Variants in GALNT14 observed in about 807,000 individuals in gnomAD.
GALNT14 encodes the protein polypeptide N-acetylgalactosaminyltransferase 14.
Under a neutral mutation model 77.5 loss-of-function variants are expected in GALNT14, and 60 were observed. That is an observed-to-expected ratio of 0.77 (90% CI 0.63 to 0.96). GALNT14 has a LOEUF of 0.96. Among genes scored for constraint, GALNT14 ranks in the 40% least tolerant of loss-of-function variants. The probability of loss-of-function intolerance (pLI) is 0.00; values close to 1 mark genes in which losing one functional copy is unlikely to be tolerated. For synonymous variants in GALNT14, 280 were observed against 281.7 expected, an observed-to-expected ratio of 0.99 and a Z score of 0.06; for missense variants, 710 against 731.0, an observed-to-expected ratio of 0.97 and a Z score of 0.33.
intron 3 of GALNT14, among the ~76,000 whole-genome samples, chr2:30,964,934 GA>G (rs1414222867): frequency 6.6e-6 from 1 of 152,166 alleles, no homozygotes; most frequent in Non-Finnish European, 1.5e-5. Context: ...TGGAAACAAT[GA>G]GATTTTGCTG....
At chr2:31,098,869 T>C (rs1677123449) in intron 1 of GALNT14, among the ~76,000 whole-genome samples, 1 of 152,052 alleles carries the variant, frequency 6.6e-6, no homozygotes, top group African/African-American at 2.4e-5. Flanking sequence ...ACAAGGAAGA[T>C]AAAATATATT....
intron 9 of GALNT14, among the ~76,000 whole-genome samples, chr2:30,932,654 A>C (rs1250177252): frequency 3.3e-5 from 5 of 152,194 alleles, no homozygotes; most frequent in Non-Finnish European, 5.9e-5. Context: ...ATTTTCTAAC[A>C]ATCAGGGACA....
downstream of GALNT14, among the ~76,000 whole-genome samples, chr2:30,906,999 C>T (rs192734678): frequency 7.1e-3 from 1,074 of 152,316 alleles, 20 homozygotes; most frequent in African/African-American, 0.025. Context: ...TAAAGATGTT[C>T]TTTGAAACCA....
At chr2:30,938,384 A>ACACACACACACACTCTCTCTCT (rs1174119035) in intron 9 of GALNT14, among the ~76,000 whole-genome samples, 5 of 141,784 alleles carry the variant, frequency 3.5e-5, no homozygotes, top group African/African-American at 1.0e-4. Context: ...ACACACACAC[A>ACACACACACACACTCTCTCTCT]CTCTCTCTCT....
intron 2 of GALNT14, among the ~76,000 whole-genome samples, chr2:30,989,560 T>TATATATATATATATATATATATATA (rs1669525579): frequency 3.9e-4 from 34 of 87,078 alleles, no homozygotes; most frequent in African/African-American, 1.7e-3. Flanking sequence ...GGTAAATACC[T>TATATATATATATATATATATATATA]TATATATATA....
chr2:30,954,793 A>C (rs978547856), intron 6 of GALNT14, among the ~76,000 whole-genome samples: 35 of 152,246 alleles, frequency 2.3e-4, no homozygotes, highest in African/African-American at 6.8e-4. Flanking sequence ...TGCTGGTGGT[A>C]CCAAGTAGAA....
chr2:30,915,635 G>T (rs1664629555), intron 13 of GALNT14, among the ~76,000 whole-genome samples: 1 of 152,214 alleles, frequency 6.6e-6, no homozygotes, highest in Admixed American at 6.5e-5. Context: ...CAGACTCCAG[G>T]AAGGCAGCAG....
chr2:30,890,563 T>C, the GALNT14 span, among the ~76,000 whole-genome samples: 1 of 152,128 alleles, frequency 6.6e-6, no homozygotes, highest in Non-Finnish European at 1.5e-5. Context: ...ATAGTAATAG[T>C]AGTACTTGTA....
At chr2:31,067,327 C>T (rs1344244166) in intron 1 of GALNT14, among the ~76,000 whole-genome samples, 1 of 152,086 alleles carries the variant, frequency 6.6e-6, no homozygotes, top group East Asian at 1.9e-4. Flanking sequence ...CCACGGGGGC[C>T]AAAGAGAAGA....
At position 31,008,623 on chromosome 2, in the gene GALNT14, C is replaced by T. The variant is rs572109205; in HGVS notation, c.130-15616G>A. Among the ~76,000 whole-genome samples the T allele has an allele frequency of 5.6e-4, 86 of 152,264 alleles. 1 individual carries two copies. The highest frequency in any genetic ancestry group is 4.1e-3 in the South Asian group (20 of 4,822). The stretch of plus-strand genomic sequence containing the variant: ...AGAAAAGATGACTGTACCTTCTTCT[C>T]GCCTGCCTCCAAAATCAAGGCTGGA... On this transcript the variant is annotated intron_variant, in intron 1 of 14. Coordinates refer to ENST00000349752, the MANE Select transcript of GALNT14 (RefSeq NM_024572.4).
intron 1 of GALNT14, among the ~76,000 whole-genome samples, chr2:31,035,553 ATGTGTGTGTGTGTGTATG>A (rs1672664722): frequency 7.7e-6 from 1 of 129,438 alleles, no homozygotes; most frequent in South Asian, 2.6e-4. Context: ...GATAAAGAAA[ATGTGTGTGTGTGTGTATG>A]TGTGTGTGTG....
At chr2:31,051,745 CTG>C (rs1286071753) in intron 1 of GALNT14, among the ~76,000 whole-genome samples, 10 of 152,220 alleles carry the variant, frequency 6.6e-5, no homozygotes, top group Non-Finnish European at 1.5e-4. Flanking sequence ...GTGACTGCCT[CTG>C]TGGGTTCAGG....
the GALNT14 span, among the ~76,000 whole-genome samples, chr2:30,890,950 C>A: frequency 1.3e-5 from 2 of 151,986 alleles, no homozygotes; most frequent in African/African-American, 4.8e-5. Context: ...ATAAAGCCAG[C>A]CTGAGACCAG....
intron 13 of GALNT14, among the ~76,000 whole-genome samples, chr2:30,918,543 C>T (rs907949897): frequency 6.6e-6 from 1 of 152,198 alleles, no homozygotes; most frequent in Non-Finnish European, 1.5e-5. Flanking sequence ...CTTTGGAATC[C>T]TGCCCAGGAG....
intron 1 of GALNT14, among the ~76,000 whole-genome samples, chr2:31,131,524 C>T (rs1678993986): frequency 6.6e-6 from 1 of 152,128 alleles, no homozygotes; most frequent in Non-Finnish European, 1.5e-5. Context: ...GCATTGGGGA[C>T]TTTGGGATGC....
At chr2:30,960,596 T>A (rs1286824748) in intron 3 of GALNT14, among the ~76,000 whole-genome samples, 2 of 151,512 alleles carry the variant, frequency 1.3e-5, no homozygotes, top group Admixed American at 6.6e-5. Flanking sequence ...GATGGCGGAG[T>A]CCCCTTAAAC....
intron 9 of GALNT14, among the ~76,000 whole-genome samples, chr2:30,936,170 C>T (rs1403331764): frequency 2.6e-5 from 4 of 152,066 alleles, no homozygotes; most frequent in Non-Finnish European, 5.9e-5. Flanking sequence ...ATTGCCCTCC[C>T]GCCCTCCATT....
chr2:31,129,007 G>A (rs1678842406), intron 1 of GALNT14, among the ~76,000 whole-genome samples: 1 of 150,256 alleles, frequency 6.7e-6, no homozygotes, highest in Admixed American at 6.6e-5. Flanking sequence ...TGGTGTTTCA[G>A]CAGAGGGAGG....
chr2:31,038,839 G>A (rs111554313), intron 1 of GALNT14, among the ~76,000 whole-genome samples: 47 of 151,320 alleles, frequency 3.1e-4, no homozygotes, highest in Non-Finnish European at 5.9e-4. Flanking sequence ...TCTGCCTACT[G>A]GGTTCAAGAG....
Sources: gnomAD v4.1 joint callset for allele counts (sites outside exome capture counted in the v4.1 genomes callset) on GRCh38, gnomAD v4.1.1 for gene constraint, MANE v1.5 for transcripts, NCBI Gene and HGNC (gene_info 2026-07-23, HGNC 2026-07-21) for gene names.